Variants in ZFYVE9 observed in about 807,000 individuals in gnomAD.
ZFYVE9 encodes zinc finger FYVE domain-containing protein 9.
A neutral mutation model predicts 126.7 loss-of-function variants in ZFYVE9; 43 were observed. That is an observed-to-expected ratio of 0.34 (90% CI 0.27 to 0.44). The LOEUF (loss-of-function observed/expected upper bound fraction) is 0.44, where lower values mean the gene tolerates loss of function less well. ZFYVE9 is among the 20% of genes least tolerant of loss of function. The pLI is 1.00. For missense variants in ZFYVE9, 1,476 were observed against 1,697.0 expected (o/e 0.87, Z 2.29); for synonymous variants, 521 against 597.4 (o/e 0.87, Z 1.87).
intron 1 of ZFYVE9, among the ~76,000 whole-genome samples, chr1:52,203,842 C>G (rs1644948627): frequency 6.6e-6 from 1 of 151,934 alleles, no homozygotes; most frequent in Non-Finnish European, 1.5e-5. Flanking sequence ...GTCCTGTCTC[C>G]TAAATAAGCC....
chr1:52,264,737 G>T (rs925549868), intron 5 of ZFYVE9, among the ~76,000 whole-genome samples: 1 of 152,120 alleles, frequency 6.6e-6, no homozygotes, highest in East Asian at 1.9e-4. Flanking sequence ...TGCTCTGTCC[G>T]TCTGCATTGC....
At chr1:52,286,655 T>C (rs889602399) in intron 10 of ZFYVE9, among the ~76,000 whole-genome samples, 1 of 152,196 alleles carries the variant, frequency 6.6e-6, no homozygotes, top group African/African-American at 2.4e-5. Flanking sequence ...ATTCAGAACA[T>C]AGACTTGAAT....
At chr1:52,287,493 C>T (rs942812902) in intron 10 of ZFYVE9, among the ~76,000 whole-genome samples, 1 of 151,388 alleles carries the variant, frequency 6.6e-6, no homozygotes, top group African/African-American at 2.5e-5. Flanking sequence ...CTTTAATTGC[C>T]ATTAGAACAA....
chr1:52,194,657 T>TTGG (rs1268441426), intron 1 of ZFYVE9, among the ~76,000 whole-genome samples: 3 of 152,114 alleles, frequency 2.0e-5, no homozygotes, highest in Non-Finnish European at 4.4e-5. Context: ...AACAGCATGT[T>TTGG]TGGTGGAAAA....
chr1:52,226,286 G>A (rs749312170), intron 2 of ZFYVE9, among the ~76,000 whole-genome samples: 1 of 152,118 alleles, frequency 6.6e-6, no homozygotes, highest in Non-Finnish European at 1.5e-5. Context: ...CAGCTTCCTT[G>A]TCTGTGTCTG....
At chr1:52,201,441 A>G (rs542831991) in intron 1 of ZFYVE9, among the ~76,000 whole-genome samples, 216 of 144,924 alleles carry the variant, frequency 1.5e-3, no homozygotes, top group South Asian at 4.6e-3. Flanking sequence ...CAGTGGCGCA[A>G]TCTCGGCTCA....
chr1:52,149,620 G>T (rs1644335757), intron 1 of ZFYVE9, among the ~76,000 whole-genome samples: 2 of 152,034 alleles, frequency 1.3e-5, no homozygotes, highest in Admixed American at 6.6e-5. Context: ...CCGATGTTTT[G>T]GTTACTCATT....
chr1:52,178,808 A>T (rs1487120272), intron 1 of ZFYVE9, among the ~76,000 whole-genome samples: 3 of 151,832 alleles, frequency 2.0e-5, no homozygotes, highest in East Asian at 2.0e-4. Flanking sequence ...GATTCAAGAG[A>T]TAATTACTTA....
At chr1:52,255,872 A>G (rs1645502531) in intron 4 of ZFYVE9, among the ~76,000 whole-genome samples, 1 of 150,980 alleles carries the variant, frequency 6.6e-6, no homozygotes, top group African/African-American at 2.4e-5. Flanking sequence ...ATTTTTTTTA[A>G]TTCATTGAGT....
At chr1:52,215,691 A>C (rs1409647209) in intron 1 of ZFYVE9, among the ~76,000 whole-genome samples, 1 of 152,238 alleles carries the variant, frequency 6.6e-6, no homozygotes, top group Admixed American at 6.5e-5. Context: ...TTAGGCCCTT[A>C]AAGAATTTTA....
chr1:52,155,232 T>C (rs1046901583), intron 1 of ZFYVE9, among the ~76,000 whole-genome samples: 13 of 146,236 alleles, frequency 8.9e-5, no homozygotes, highest in Non-Finnish European at 1.9e-4. Flanking sequence ...TTTCTTTTTT[T>C]TCTTTTTTTT....
chr1:52,253,587 C>A, intron 4 of ZFYVE9: 2 of 1,004,776 alleles, frequency 2.0e-6, no homozygotes, highest in Admixed American at 1.8e-5. Context: ...TCCTGAGAAC[C>A]TGAGTTTTGG....
chr1:52,219,705 A>G (rs1368427624), intron 2 of ZFYVE9, among the ~76,000 whole-genome samples: 1 of 148,526 alleles, frequency 6.7e-6, no homozygotes, highest in Non-Finnish European at 1.5e-5. Flanking sequence ...TCAGTAGTGG[A>G]ATTTAGATAA....
In ZFYVE9 at chr1:52,293,546, A is replaced by T. The variant is rs767025251; in HGVS notation, c.3119A>T (p.Tyr1040Phe). 9.3e-6 allele frequency: 15 copies of T among 1,614,000 alleles called. No individual in the cohort carries two copies. Among genetic ancestry groups the T allele is most frequent in the Non-Finnish European group, 1.3e-5 (15 of 1,180,008 alleles). ...HGGFLYVTST[Y>F]QSLQDLVLPT... ...GGATTCTTATATGTGACATCTACCTACCAGTCACTGCAAGACCTAGTACTC... is the reference window on the plus strand; with the variant it reads ...GGATTCTTATATGTGACATCTACCTTCCAGTCACTGCAAGACCTAGTACTC... The change falls in exon 11 of 19, where the codon TAC becomes TTC. Residue 1040 changes from tyrosine to phenylalanine, a missense_variant. Transcript: ENST00000287727.
intron 13 of ZFYVE9, among the ~76,000 whole-genome samples, chr1:52,312,440 G>C (rs1288982953): frequency 6.6e-6 from 1 of 152,176 alleles, no homozygotes; most frequent in Non-Finnish European, 1.5e-5. Context: ...ACCATAGCTT[G>C]ATAGTAGTAC....
At chr1:52,156,518 G>GGC (rs1486091057) in intron 1 of ZFYVE9, among the ~76,000 whole-genome samples, 1 of 152,182 alleles carries the variant, frequency 6.6e-6, no homozygotes, top group African/African-American at 2.4e-5. Context: ...GGTTTCACTT[G>GGC]GCCATTCTCT....
At chr1:52,211,201 T>C (rs1645025632) in intron 1 of ZFYVE9, among the ~76,000 whole-genome samples, 1 of 152,196 alleles carries the variant, frequency 6.6e-6, no homozygotes, top group South Asian at 2.1e-4. Flanking sequence ...CCCTTTGTTA[T>C]ACTCCATTAG....
In ZFYVE9 at chr1:52,263,759, C is replaced by T. The variant is rs201810123; in HGVS notation, c.2179-14C>T. 64 of 734,520 alleles carry T rather than the reference C, an allele frequency of 8.7e-5. 7 individuals are homozygous for T. Among genetic ancestry groups the T allele is most frequent in the South Asian group, 2.0e-4 (10 of 49,612 alleles). 45.5% of individuals were successfully genotyped at this position (734,520 alleles called of 1,614,324 possible). The stretch of plus-strand genomic sequence containing the variant: ...AGTAAATTTTGTGTGTTCTTCCCCC[C>T]CCCCCCCCCACAGGTTTTCTGTGCT... On this transcript the variant is annotated splice_polypyrimidine_tract_variant and intron_variant, in intron 4 of 18. Coordinates refer to ENST00000287727, the MANE Select transcript of ZFYVE9 (RefSeq NM_004799.4).
At chr1:52,218,232 A>T (rs900169123) in intron 2 of ZFYVE9, among the ~76,000 whole-genome samples, 7 of 152,060 alleles carry the variant, frequency 4.6e-5, no homozygotes, top group African/African-American at 1.7e-4. Context: ...GTGCCACTCC[A>T]GTTGCTTGGC....
Sources: allele counts gnomAD v4.1 joint callset (sites outside exome capture counted in the v4.1 genomes callset), GRCh38; gene constraint gnomAD v4.1.1; transcripts MANE v1.5; gene names NCBI Gene and HGNC (gene_info 2026-07-23, HGNC 2026-07-21).